PLEKHA2: variants seen among roughly 807,000 people sequenced by gnomAD.
The protein encoded by PLEKHA2 is pleckstrin homology domain-containing family A member 2.
PLEKHA2 carries 28 observed loss-of-function variants against 53.2 expected under a neutral mutation model. The ratio of observed to expected loss-of-function variants is 0.53; its 90% CI spans 0.39 to 0.72. The LOEUF is 0.72. Among genes scored for constraint, PLEKHA2 ranks in the 30% least tolerant of loss-of-function variants. The pLI, the probability that PLEKHA2 is intolerant of heterozygous loss-of-function variation, is 0.00. For synonymous variants in PLEKHA2, 193 were observed against 196.4 expected, an observed-to-expected ratio of 0.98 and a Z score of 0.14; for missense variants, 426 against 537.9, an observed-to-expected ratio of 0.79 and a Z score of 2.06.
intron 5 of PLEKHA2, among the ~76,000 whole-genome samples, chr8:38,946,789 A>G (rs955992584): frequency 1.3e-5 from 2 of 152,196 alleles, no homozygotes; most frequent in Non-Finnish European, 2.9e-5. Flanking sequence ...TTAGAGATAT[A>G]GAAAAAGAAA....
chr8:38,965,306 G>A (rs1303743303), intron 10 of PLEKHA2, among the ~76,000 whole-genome samples: 2 of 152,188 alleles, frequency 1.3e-5, no homozygotes, highest in Admixed American at 1.3e-4. Context: ...GTACTTCAAA[G>A]CGCAGTCAGG....
chr8:38,920,957 C>T (rs1195733131), intron 2 of PLEKHA2, among the ~76,000 whole-genome samples: 2 of 152,082 alleles, frequency 1.3e-5, no homozygotes, highest in African/African-American at 2.4e-5. Flanking sequence ...TCAGCCACCA[C>T]GCCCAGCTAA....
At chr8:38,941,118 G>A (rs1434165182) in intron 3 of PLEKHA2, among the ~76,000 whole-genome samples, 3 of 151,384 alleles carry the variant, frequency 2.0e-5, no homozygotes, top group African/African-American at 2.4e-5. Context: ...GTGCAATGGC[G>A]GGATCTCAGC....
At chr8:38,942,123 C>T (rs184330394) in intron 3 of PLEKHA2, among the ~76,000 whole-genome samples, 4 of 152,198 alleles carry the variant, frequency 2.6e-5, no homozygotes, top group Admixed American at 1.3e-4. Context: ...AGCAGCCAGC[C>T]GGTTGCGGTG....
chr8:38,918,403 C>T (rs1488244529), intron 2 of PLEKHA2, among the ~76,000 whole-genome samples: 2 of 148,574 alleles, frequency 1.3e-5, no homozygotes, highest in African/African-American at 5.0e-5. Context: ...CATACACATA[C>T]CACAGACACA....
At chr8:38,920,923 C>G (rs937052166) in intron 2 of PLEKHA2, among the ~76,000 whole-genome samples, 1 of 152,080 alleles carries the variant, frequency 6.6e-6, no homozygotes, top group Non-Finnish European at 1.5e-5. Flanking sequence ...GTCTCAGCCT[C>G]CCGAGTAGCT....
chr8:38,920,981 A>C (rs1834181151), intron 2 of PLEKHA2, among the ~76,000 whole-genome samples: 2 of 151,896 alleles, frequency 1.3e-5, no homozygotes, highest in African/African-American at 4.8e-5. Flanking sequence ...TTGTATTTTT[A>C]GTAGAGACGG....
chr8:38,946,131 T>C lies in PLEKHA2; in HGVS notation c.255T>C (p.Asn85=). 6.2e-7 allele frequency: 1 copy of C among 1,605,012 alleles called. No individual in the cohort carries two copies. Among genetic ancestry groups the C allele is most frequent in the Non-Finnish European group, 8.5e-7 (1 of 1,175,486 alleles). ...TTTCTGTGGCTTTTGTAGTTATCAA[T>C]GCCCTGTCTCAGAGATATTTCCTTC... ...KPKTPFCFVI[N]ALSQRYFLQA... Residue 85 remains asparagine (N), a synonymous_variant, in exon 5 of 12, where the codon AAT becomes AAC. Coordinates refer to ENST00000617275, the MANE Select transcript of PLEKHA2 (RefSeq NM_021623.2).
At chr8:38,956,181 G>A (rs1055432149) in intron 9 of PLEKHA2, among the ~76,000 whole-genome samples, 5 of 152,142 alleles carry the variant, frequency 3.3e-5, no homozygotes, top group Admixed American at 1.3e-4. Flanking sequence ...GGATATACGC[G>A]GCAGGCATTT....
At chr8:38,949,350 A>T (rs116249784) in intron 5 of PLEKHA2, among the ~76,000 whole-genome samples, 2,911 of 151,916 alleles carry the variant, frequency 0.019, 102 homozygotes, top group African/African-American at 0.067. Context: ...GTGACATTTG[A>T]CCCCTGGCCT....
At chr8:38,961,559 TA>T (rs1465759650) in intron 10 of PLEKHA2, among the ~76,000 whole-genome samples, 1 of 152,022 alleles carries the variant, frequency 6.6e-6, no homozygotes, top group Non-Finnish European at 1.5e-5. Context: ...AAATAAATAA[TA>T]AAAATTGTGT....
At chr8:38,918,100 G>A (rs576749451) in intron 2 of PLEKHA2, 30 bp downstream of exon 2, 2 of 1,603,596 alleles carry the variant, frequency 1.2e-6, no homozygotes, top group South Asian at 1.1e-5. Flanking sequence ...GGGGTGGGGC[G>A]ACTGGGTGCC....
chr8:38,938,900 C>CT (rs373598976), intron 3 of PLEKHA2, among the ~76,000 whole-genome samples: 45,559 of 142,736 alleles, frequency 0.32, 7,252 homozygotes, highest in African/African-American at 0.39. Flanking sequence ...CTTTCTTTTT[C>CT]TTTTTTTTTT....
Position 38,953,282 on chromosome 8 carries a change from T to C in PLEKHA2, c.703-15T>C. ...AGACAGCCTCACTTACCTGTCTTTC[T>C]GTTCTTTCCACCAGGACCGAGAACC... On this transcript the variant is annotated splice_polypyrimidine_tract_variant and intron_variant, in intron 8 of 11. Coordinates refer to ENST00000617275, the MANE Select transcript of PLEKHA2 (RefSeq NM_021623.2). The C allele has an allele frequency of 6.2e-7, 1 of 1,604,202 alleles. No homozygotes were observed. The highest frequency in any genetic ancestry group is 8.5e-7 in the Non-Finnish European group (1 of 1,170,920).
chr8:38,969,971 G>C lies in PLEKHA2; in HGVS notation c.*188G>C. The C allele has an allele frequency of 1.3e-6, 1 of 761,464 alleles. No homozygotes were observed. Among genetic ancestry groups the C allele is most frequent in the East Asian group, 2.7e-5 (1 of 37,236 alleles). 47.2% of individuals were successfully genotyped at this position (761,464 alleles called of 1,614,324 possible). On this transcript the variant is annotated 3_prime_UTR_variant, in exon 12 of 12. Coordinates refer to ENST00000617275, the MANE Select transcript of PLEKHA2 (RefSeq NM_021623.2). ...TGTGTGTGTGTGTGTGTGTGTGTGT[G>C]TGTGTGTAATATCAACGCAGTGTAT...
In PLEKHA2 at chr8:38,969,983, T is replaced by A. The variant is rs1835217882; in HGVS notation, c.*200T>A. ...TGTGTGTGTGTGTGTGTGTGTAATA[T>A]CAACGCAGTGTATTTAATTTGGGGA... On this transcript the variant is annotated 3_prime_UTR_variant, in exon 12 of 12. Transcript: ENST00000617275. 1.6e-6 allele frequency: 1 copy of A among 626,430 alleles called. No individual in the cohort carries two copies. The highest frequency in any genetic ancestry group is 2.3e-5 in the African/African-American group (1 of 43,584). 38.8% of individuals were successfully genotyped at this position (626,430 alleles called of 1,614,324 possible).
intron 3 of PLEKHA2, among the ~76,000 whole-genome samples, chr8:38,940,088 T>A (rs1834574000): frequency 1.9e-5 from 2 of 106,364 alleles, no homozygotes; most frequent in African/African-American, 3.9e-5. Context: ...TGAGACCCTA[T>A]CTCTTAAAAA....
chr8:38,948,110 A>G (rs1014480536), intron 5 of PLEKHA2, among the ~76,000 whole-genome samples: 3 of 142,830 alleles, frequency 2.1e-5, no homozygotes, highest in Non-Finnish European at 4.6e-5. Context: ...AAAAATTGTT[A>G]TTTCCCTCCT....
At chr8:38,940,538 G>A (rs932741552) in intron 3 of PLEKHA2, among the ~76,000 whole-genome samples, 1 of 151,780 alleles carries the variant, frequency 6.6e-6, no homozygotes, top group African/African-American at 2.4e-5. Flanking sequence ...ATGGACCAGA[G>A]GACTGCAGGA....
Sources: gnomAD v4.1 joint callset for allele counts (sites outside exome capture counted in the v4.1 genomes callset) on GRCh38, gnomAD v4.1.1 for gene constraint, MANE v1.5 for transcripts, NCBI Gene and HGNC (gene_info 2026-07-23, HGNC 2026-07-21) for gene names.